Variants in ISL1 observed in about 807,000 individuals in gnomAD.
ISL1 encodes the protein ISL LIM homeobox 1.
Under a neutral mutation model 35.3 loss-of-function variants are expected in ISL1, and 4 were observed. That is an observed-to-expected ratio of 0.11 (90% CI 0.06 to 0.26). The LOEUF (loss-of-function observed/expected upper bound fraction) is 0.26. Among genes scored for constraint, ISL1 ranks in the 10% least tolerant of loss-of-function variants. ISL1 has a pLI of 1.00. For missense variants in ISL1, 340 were observed against 472.8 expected, an observed-to-expected ratio of 0.72 and a Z score of 2.60; for synonymous variants, 186 against 172.3, an observed-to-expected ratio of 1.08 and a Z score of -0.62.
chr5:51,390,266 C>T (rs1285160929), intron 4 of ISL1, among the ~76,000 whole-genome samples: 2 of 152,158 alleles, frequency 1.3e-5, no homozygotes, highest in African/African-American at 2.4e-5. Flanking sequence ...CAGGCGGCAA[C>T]GAGGTTTGGC....
intron 5 of ISL1, 97 bp from the exon 6 acceptor site, chr5:51,393,397 T>G (rs1747562329): frequency 2.6e-6 from 2 of 782,814 alleles, no homozygotes; most frequent in Admixed American, 3.6e-5. Context: ...CATATCTATC[T>G]ACACAAACAT....
chr5:51,393,817 A>G lies in ISL1; in HGVS notation c.*207A>G. On this transcript the variant is annotated 3_prime_UTR_variant, in exon 6 of 6. Transcript: ENST00000230658. ...AATCATGGGATTTTACTAGAATTAAACAACAAACAAAACGCAAAACCCAGT... is the reference window on the plus strand; with the variant it reads ...AATCATGGGATTTTACTAGAATTAAGCAACAAACAAAACGCAAAACCCAGT... The G allele has an allele frequency of 1.6e-6, 1 of 607,130 alleles. No individual in the cohort carries two copies. The highest frequency in any genetic ancestry group is 2.7e-5 in the Admixed American group (1 of 36,666). 37.6% of individuals were successfully genotyped at this position (607,130 alleles called of 1,614,324 possible). A position where few individuals can be genotyped will look rare whatever the true frequency, so the allele number is the denominator to read the frequency against.
At chr5:51,390,485 T>C (rs1747469580) in intron 4 of ISL1, among the ~76,000 whole-genome samples, 2 of 151,974 alleles carry the variant, frequency 1.3e-5, no homozygotes, top group Admixed American at 1.3e-4. Flanking sequence ...CAGATCACCC[T>C]CTGCTCCAGG....
Position 51,389,616 on chromosome 5 carries a change from C to A in ISL1, c.479-30C>A, listed in dbSNP as rs1485780566. 3.1e-6 allele frequency: 5 copies of A among 1,589,114 alleles called. No homozygotes were observed. The highest frequency in any genetic ancestry group is 4.3e-6 in the Non-Finnish European group (5 of 1,172,324). On this transcript the variant is annotated intron_variant, in intron 3 of 5. Transcript: ENST00000230658. The surrounding 1 kb of genome is among the most constrained non-coding windows in gnomAD (Gnocchi z 5.0). ...GCGGGCCGGCAAGCGAGCCTCCAGC[C>A]CAGCGCTCACGGCGCTCCTTGCCCC...
rs904126702 is a variant in ISL1, at chr5:51,391,531, G to A, written c.933+90G>A. 5.5e-6 allele frequency: 8 copies of A among 1,463,430 alleles called. No individual in the cohort carries two copies. In the East Asian group the frequency reaches 1.8e-4, roughly 33 times the overall value. The allele number at this position is 1,463,430 out of a possible 1,614,324, so 90.7% of individuals were successfully genotyped here. On this transcript the variant is annotated intron_variant, in intron 5 of 5. Transcript: ENST00000230658. ...CACATTGAAAGATTCAGTGGGGAGG[G>A]TGCCTTCTTGGGCTCAGGGTTGGGG...
At chr5:51,383,760 A>G (rs944712460) in intron 1 of ISL1, 61 bp downstream of exon 1, 89 of 1,431,386 alleles carry the variant, frequency 6.2e-5, no homozygotes, top group Non-Finnish European at 8.2e-5. Context: ...GTTCTCTCTC[A>G]GGCACAGGCT....
At chr5:51,391,771 G>T (rs1344174900) in intron 5 of ISL1, among the ~76,000 whole-genome samples, 1 of 152,064 alleles carries the variant, frequency 6.6e-6, no homozygotes, top group Non-Finnish European at 1.5e-5. Context: ...ATACATCTTA[G>T]AATTTTAGAG....
chr5:51,393,683 A>G lies in ISL1; in HGVS notation c.*73A>G. The G allele has an allele frequency of 1.1e-6, 1 of 923,040 alleles. No individual in the cohort carries two copies. The highest frequency in any genetic ancestry group is 1.8e-6 in the Non-Finnish European group (1 of 550,204). 57.2% of individuals were successfully genotyped at this position (923,040 alleles called of 1,614,324 possible). On this transcript the variant is annotated 3_prime_UTR_variant, in exon 6 of 6. Transcript: ENST00000230658. ...TTATAATGTCGAACTCTGAAACAAA[A>G]GTATTTAACGACCCAGTCAATGAAA...
chr5:51,390,636 CTTTTTCTTTTTTTTTTT>C (rs1298799356), intron 4 of ISL1, among the ~76,000 whole-genome samples: 47 of 74,326 alleles, frequency 6.3e-4, no homozygotes, highest in Admixed American at 1.4e-3. Context: ...TCTTTTCTTT[CTTTTTCTTTTTTTTTTT>C]TTTTTTTTTT....
chr5:51,389,740 G>T lies in ISL1; in HGVS notation c.573G>T (p.Lys191Asn). 6.2e-7 allele frequency: 1 copy of T among 1,614,196 alleles called. No homozygotes were observed. The highest frequency in any genetic ancestry group is 8.5e-7 in the Non-Finnish European group (1 of 1,180,052). The change falls in exon 4 of 6, where the codon AAG (lysine) becomes AAT (asparagine). Residue 191 changes from lysine to asparagine, a missense_variant. Lys to Asn is a moderately conservative substitution (Grantham distance 94). Coordinates refer to ENST00000230658, the MANE Select transcript of ISL1 (RefSeq NM_002202.3). This position sits in a 1 kb window ranked among gnomAD's most constrained non-coding sequence, Gnocchi z 5.0. ...TTRVRTVLNE[K>N]QLHTLRTCYA... ...GCGTGCGGACTGTGCTGAACGAGAAGCAGCTGCACACCTTGCGGACCTGCT... is the reference window on the plus strand; with the variant it reads ...GCGTGCGGACTGTGCTGAACGAGAATCAGCTGCACACCTTGCGGACCTGCT...
At chr5:51,391,201 A>T (rs1747505224) in intron 4 of ISL1, 73 bp from the exon 5 acceptor site, 1 of 1,501,058 alleles carries the variant, frequency 6.7e-7, no homozygotes, top group South Asian at 1.2e-5. Context: ...ATATTTGCTT[A>T]GCCTGTGCAG....
In ISL1 at chr5:51,388,674, A is replaced by C. The variant is rs146058437; in HGVS notation, c.478+925A>C. Among the ~76,000 whole-genome samples, 941 of 152,248 alleles carry C rather than the reference A, an allele frequency of 6.2e-3. 14 individuals are homozygous for C. The highest frequency in any genetic ancestry group is 0.022 in the African/African-American group (901 of 41,550). Reference sequence around the variant, plus strand: ...TTGCAGTTTTAAAGTATCAATTCCCACTAAACACTGAAGGTGAGGAAACTA... The same window carrying C: ...TTGCAGTTTTAAAGTATCAATTCCCCCTAAACACTGAAGGTGAGGAAACTA... On this transcript the variant is annotated intron_variant, in intron 3 of 5. Coordinates refer to ENST00000230658, the MANE Select transcript of ISL1 (RefSeq NM_002202.3).
chr5:51,383,537 C>T lies in ISL1; in HGVS notation c.-135C>T. On this transcript the variant is annotated 5_prime_UTR_variant, in exon 1 of 6. Transcript: ENST00000230658. ...TCCGCGAGGGCGCGGCGCAGCCGAGCAGCGGCTCTTTCAGCATTGGCAACC... is the reference window on the plus strand; with the variant it reads ...TCCGCGAGGGCGCGGCGCAGCCGAGTAGCGGCTCTTTCAGCATTGGCAACC... 1 of 805,694 alleles carries T rather than the reference C, an allele frequency of 1.2e-6. No homozygotes were observed. Among genetic ancestry groups the T allele is most frequent in the Non-Finnish European group, 2.2e-6 (1 of 452,406 alleles). The allele number at this position is 805,694 out of a possible 1,614,324, so 49.9% of individuals were successfully genotyped here. A position where few individuals can be genotyped will look rare whatever the true frequency, so the allele number is the denominator to read the frequency against.
rs113729427 is a variant in ISL1 at position 51,389,529 on chromosome 5, G to T, written c.479-117G>T. The T allele has an allele frequency of 7.3e-5, 67 of 918,264 alleles. 1 individual carries two copies. Among genetic ancestry groups the T allele is most frequent in the African/African-American group, 6.7e-4 (37 of 55,050 alleles). 56.9% of individuals were successfully genotyped at this position (918,264 alleles called of 1,614,324 possible). ...CCATTGTCCTGAGTATCTCGGGCGG[G>T]CGAGCAAGTAAGCGGGCGGGCGGGC... On this transcript the variant is annotated intron_variant, in intron 3 of 5. Coordinates refer to ENST00000230658, the MANE Select transcript of ISL1 (RefSeq NM_002202.3). The surrounding 1 kb of genome is among the most constrained non-coding windows in gnomAD (Gnocchi z 5.0).
At chr5:51,392,825 G>A (rs1243238255) in intron 5 of ISL1, among the ~76,000 whole-genome samples, 1 of 152,112 alleles carries the variant, frequency 6.6e-6, no homozygotes, top group Non-Finnish European at 1.5e-5. Context: ...TGCGTTTAGG[G>A]TTAAAAGAAG....
Position 51,387,673 on chromosome 5 carries a change from T to C in ISL1, c.402T>C (p.Asp134=). ...GTCTCTTCTGCCGAGCAGACCACGATGTGGTGGAGAGGGCCAGTCTAGGCG... is the reference window on the plus strand; with the variant it reads ...GTCTCTTCTGCCGAGCAGACCACGACGTGGTGGAGAGGGCCAGTCTAGGCG... ...EDGLFCRADH[D]VVERASLGAG... is the part of the protein sequence containing the mutation. Residue 134 remains aspartate (D), a synonymous_variant, in exon 3 of 6, where the codon GAT becomes GAC. Transcript: ENST00000230658. This position sits in a 1 kb window ranked among gnomAD's most constrained non-coding sequence, Gnocchi z 4.3. 6.2e-7 allele frequency: 1 copy of C among 1,614,188 alleles called. No individual in the cohort carries two copies. The highest frequency in any genetic ancestry group is 8.5e-7 in the Non-Finnish European group (1 of 1,180,030).
At chr5:51,390,642 C>CTT (rs57707586) in intron 4 of ISL1, among the ~76,000 whole-genome samples, 111 of 40,120 alleles carry the variant, frequency 2.8e-3, no homozygotes, top group Non-Finnish European at 3.7e-3. Context: ...CTTTCTTTTT[C>CTT]TTTTTTTTTT....
intron 5 of ISL1, among the ~76,000 whole-genome samples, chr5:51,392,381 T>C (rs978890074): frequency 1.3e-5 from 2 of 152,228 alleles, no homozygotes; most frequent in African/African-American, 4.8e-5. Context: ...CCTGAAACCT[T>C]GTTCCCTTTT....
At chr5:51,391,532 T>C in intron 5 of ISL1, 91 bp downstream of exon 5, 1 of 1,463,540 alleles carries the variant, frequency 6.8e-7, no homozygotes, top group South Asian at 1.2e-5. Flanking sequence ...GTGGGGAGGG[T>C]GCCTTCTTGG....
Sources: gnomAD v4.1 joint callset for allele counts (sites outside exome capture counted in the v4.1 genomes callset) on GRCh38, gnomAD v4.1.1 for gene constraint, Gnocchi (gnomAD v3.1) non-coding constraint, MANE v1.5 for transcripts, NCBI Gene and HGNC (gene_info 2026-07-23, HGNC 2026-07-21) for gene names.